The following RALYL variants were observed in gnomAD, a reference collection of about 807,000 sequenced individuals.
RALYL encodes the protein RNA-binding Raly-like protein.
A neutral mutation model predicts 35.1 loss-of-function variants in RALYL; 29 were observed. That is an observed-to-expected ratio of 0.83 (90% CI 0.61 to 1.13). The LOEUF is 1.13. Ranked by LOEUF, RALYL falls within the 50% of genes most tolerant of loss-of-function variation. The probability of loss-of-function intolerance (pLI) is 0.00; values close to 1 mark genes in which losing one functional copy is unlikely to be tolerated. For synonymous variants in RALYL, 120 were observed against 127.6 expected (o/e 0.94, Z 0.40); for missense variants, 359 against 360.4 (o/e 1.00, Z 0.03).
intron 1 of RALYL, among the ~76,000 whole-genome samples, chr8:84,358,033 T>C (rs1393398931): frequency 6.6e-6 from 1 of 151,806 alleles, no homozygotes; most frequent in East Asian, 1.9e-4. Context: ...TTTTGAAGAA[T>C]ACATTAGTAT....
chr8:84,200,918 A>G lies in RALYL; in HGVS notation c.-24+16494A>G, dbSNP rs76753485. Among the ~76,000 whole-genome samples, 1,365 of 152,292 alleles carry G rather than the reference A, an allele frequency of 9.0e-3. 20 individuals carry two copies. The highest frequency in any genetic ancestry group is 0.031 in the African/African-American group (1,297 of 41,562). ...CAATGCATTATGTTCACATTATTTCATGAATGTTTTAGTGTAGTTATCCAA... is the reference window on the plus strand; with the variant it reads ...CAATGCATTATGTTCACATTATTTCGTGAATGTTTTAGTGTAGTTATCCAA... On this transcript the variant is annotated intron_variant, in intron 1 of 8. Transcript: ENST00000521268.
chr8:84,830,265 A>G (rs895013224), intron 4 of RALYL, among the ~76,000 whole-genome samples: 1 of 152,168 alleles, frequency 6.6e-6, no homozygotes, highest in African/African-American at 2.4e-5. Flanking sequence ...AATTTTGCAA[A>G]GTTGCAAATA....
intron 7 of RALYL, among the ~76,000 whole-genome samples, chr8:84,874,404 A>G (rs1840757501): frequency 6.6e-6 from 1 of 152,038 alleles, no homozygotes; most frequent in African/African-American, 2.4e-5. Context: ...TTAGTGATAG[A>G]CCTCGGTCTC....
At chr8:84,190,501 A>G (rs1813597703) in intron 1 of RALYL, among the ~76,000 whole-genome samples, 1 of 152,208 alleles carries the variant, frequency 6.6e-6, no homozygotes, top group African/African-American at 2.4e-5. Flanking sequence ...ATTTTTAAAG[A>G]CTTGGTCATA....
chr8:84,512,918 T>G (rs1282004071), intron 1 of RALYL, among the ~76,000 whole-genome samples: 1 of 152,214 alleles, frequency 6.6e-6, no homozygotes, highest in Non-Finnish European at 1.5e-5. Context: ...CATGCTGTTT[T>G]GGTTATCATA....
intron 2 of RALYL, among the ~76,000 whole-genome samples, chr8:84,564,849 T>A (rs755034038): frequency 6.6e-6 from 1 of 151,592 alleles, no homozygotes. Context: ...TCAACAAATA[T>A]ATGAAAATAT....
chr8:84,535,676 G>A (rs1462850492), intron 2 of RALYL, among the ~76,000 whole-genome samples: 6 of 141,472 alleles, frequency 4.2e-5, no homozygotes, highest in South Asian at 2.2e-4. Context: ...GTTTTTCACC[G>A]TGTTAGCCAG....
At chr8:84,832,116 G>A (rs1242260101) in intron 4 of RALYL, among the ~76,000 whole-genome samples, 1 of 152,042 alleles carries the variant, frequency 6.6e-6, no homozygotes, top group South Asian at 2.1e-4. Context: ...TACGTTTACT[G>A]TTTTATGCTG....
intron 2 of RALYL, among the ~76,000 whole-genome samples, chr8:84,725,017 A>G (rs1461797177): frequency 6.6e-6 from 1 of 151,630 alleles, no homozygotes; most frequent in African/African-American, 2.4e-5. Context: ...CCTGCTGTTT[A>G]TCATAGTCTG....
intron 2 of RALYL, among the ~76,000 whole-genome samples, chr8:84,584,272 A>G (rs1036292005): frequency 6.6e-6 from 1 of 152,178 alleles, no homozygotes; most frequent in African/African-American, 2.4e-5. Context: ...TTACGGAAAC[A>G]AAGTACCACA....
At chr8:84,732,668 T>TTATATATATGTATATATA (rs1554553644) in intron 2 of RALYL, among the ~76,000 whole-genome samples, 1 of 132,494 alleles carries the variant, frequency 7.5e-6, no homozygotes, top group African/African-American at 3.2e-5. Flanking sequence ...TATTAAATAA[T>TTATATATATGTATATATA]TATATATATA....
chr8:84,710,337 C>T (rs1257297399), intron 2 of RALYL, among the ~76,000 whole-genome samples: 2 of 152,046 alleles, frequency 1.3e-5, no homozygotes, highest in African/African-American at 4.8e-5. Context: ...CTCACTCTGT[C>T]ACCAAGCTGG....
At chr8:84,718,040 A>C (rs1424006093) in intron 2 of RALYL, among the ~76,000 whole-genome samples, 1 of 152,158 alleles carries the variant, frequency 6.6e-6, no homozygotes, top group Non-Finnish European at 1.5e-5. Flanking sequence ...GCTTAAGAAA[A>C]ATTATAAACT....
intron 2 of RALYL, among the ~76,000 whole-genome samples, chr8:84,603,794 G>A (rs1211025293): frequency 6.6e-6 from 1 of 152,094 alleles, no homozygotes; most frequent in African/African-American, 2.4e-5. Flanking sequence ...GTTATGGTTT[G>A]ATTAATTGTC....
intron 1 of RALYL, among the ~76,000 whole-genome samples, chr8:84,426,555 C>T (rs1446017507): frequency 6.6e-6 from 1 of 151,772 alleles, no homozygotes; most frequent in South Asian, 2.1e-4. Context: ...ATAATGTACT[C>T]CAGGCCTATC....
intron 1 of RALYL, among the ~76,000 whole-genome samples, chr8:84,499,095 T>A (rs1348005346): frequency 6.6e-6 from 1 of 151,688 alleles, no homozygotes; most frequent in Non-Finnish European, 1.5e-5. Context: ...TGTTTTCTTT[T>A]TTTTTTTTTT....
intron 1 of RALYL, among the ~76,000 whole-genome samples, chr8:84,446,383 C>A (rs1587344675): frequency 6.6e-6 from 1 of 150,872 alleles, no homozygotes; most frequent in Non-Finnish European, 1.5e-5. Flanking sequence ...ATAGTGGGTG[C>A]AAAAAAAAGG....
At chr8:84,313,279 G>A (rs1374280675) in intron 1 of RALYL, among the ~76,000 whole-genome samples, 1 of 152,162 alleles carries the variant, frequency 6.6e-6, no homozygotes, top group Non-Finnish European at 1.5e-5. Flanking sequence ...GCCTGTGATG[G>A]GAGGGGCTGT....
intron 8 of RALYL, among the ~76,000 whole-genome samples, chr8:84,910,595 T>C (rs1847344139): frequency 2.0e-5 from 3 of 152,046 alleles, no homozygotes; most frequent in African/African-American, 7.2e-5. Flanking sequence ...GAGATAAGTA[T>C]GAATTCTACA....
Sources: gnomAD v4.1 joint callset for allele counts (sites outside exome capture counted in the v4.1 genomes callset) on GRCh38, gnomAD v4.1.1 for gene constraint, MANE v1.5 for transcripts, NCBI Gene and HGNC (gene_info 2026-07-23, HGNC 2026-07-21) for gene names.